The following CCSER1 variants were observed in gnomAD, a reference collection of about 807,000 sequenced individuals.
CCSER1 encodes the protein serine-rich coiled-coil domain-containing protein 1.
A neutral mutation model predicts 82.0 loss-of-function variants in CCSER1; 41 were observed. The observed-to-expected ratio is 0.50, with a 90% CI of 0.39 to 0.65. The LOEUF (loss-of-function observed/expected upper bound fraction) is 0.65, where lower values mean the gene tolerates loss of function less well. Ranked by LOEUF, CCSER1 falls within the 30% of genes least tolerant of loss-of-function variation. The probability of loss-of-function intolerance (pLI) is 0.00; values close to 1 mark genes in which losing one functional copy is unlikely to be tolerated. For synonymous variants in CCSER1, 414 were observed against 383.9 expected (o/e 1.08, Z -0.92); for missense variants, 1,119 against 1,064.2 (o/e 1.05, Z -0.72).
chr4:90,376,059 T>A (rs1748254442), intron 3 of CCSER1, among the ~76,000 whole-genome samples: 1 of 152,132 alleles, frequency 6.6e-6, no homozygotes, highest in Admixed American at 6.6e-5. Context: ...GGAATTAACT[T>A]GCCTCTCTTC....
intron 1 of CCSER1, among the ~76,000 whole-genome samples, chr4:90,140,402 T>C (rs1042821176): frequency 9.2e-5 from 14 of 152,324 alleles, no homozygotes; most frequent in African/African-American, 3.4e-4. Context: ...TTTTAGAGTG[T>C]GTTTATAGAA....
chr4:91,580,666 C>G lies in CCSER1; in HGVS notation c.2218-17906C>G, dbSNP rs371826516. Among the ~76,000 whole-genome samples, 19 of 151,788 alleles carry G rather than the reference C, an allele frequency of 1.3e-4. No homozygotes were observed. In the South Asian group the frequency reaches 2.5e-3, roughly 20 times the overall value. ...TAAAACCCCTGTGATGATGGCAAAG[C>G]TGAGATTCTAATGAAGCTGATATTC... On this transcript the variant is annotated intron_variant, in intron 10 of 10. Transcript: ENST00000509176.
At chr4:91,577,839 A>G (rs1176456714) in intron 10 of CCSER1, among the ~76,000 whole-genome samples, 1 of 152,056 alleles carries the variant, frequency 6.6e-6, no homozygotes, top group East Asian at 1.9e-4. Context: ...TATTATGTGC[A>G]TACATTTTTG....
intron 9 of CCSER1, among the ~76,000 whole-genome samples, chr4:90,935,058 T>C (rs1173051168): frequency 6.6e-6 from 1 of 151,806 alleles, no homozygotes; most frequent in South Asian, 2.1e-4. Flanking sequence ...ATATATATTA[T>C]ATATATATGA....
intron 10 of CCSER1, among the ~76,000 whole-genome samples, chr4:91,201,742 G>A (rs1017386425): frequency 2.0e-5 from 3 of 151,910 alleles, no homozygotes; most frequent in Non-Finnish European, 1.5e-5. Flanking sequence ...TAAGGGGAAT[G>A]GTATTGTTGA....
At chr4:91,274,230 T>C (rs1178883744) in intron 10 of CCSER1, among the ~76,000 whole-genome samples, 1 of 152,204 alleles carries the variant, frequency 6.6e-6, no homozygotes, top group Non-Finnish European at 1.5e-5. Context: ...ATGTATGGGG[T>C]ACATGTGATA....
At chr4:91,072,823 A>C (rs963010985) in intron 9 of CCSER1, among the ~76,000 whole-genome samples, 1 of 152,108 alleles carries the variant, frequency 6.6e-6, no homozygotes, top group East Asian at 1.9e-4. Flanking sequence ...TAAAAAAAGT[A>C]TATAAAATGA....
intron 9 of CCSER1, among the ~76,000 whole-genome samples, chr4:90,961,054 G>A (rs115583200): frequency 2.0e-3 from 303 of 152,206 alleles, no homozygotes; most frequent in Middle Eastern, 6.8e-3. Context: ...AGCCACTAGA[G>A]CACCAGAATT....
chr4:90,919,505 C>A (rs17197182), intron 8 of CCSER1, among the ~76,000 whole-genome samples: 35,184 of 151,570 alleles, frequency 0.23, 4,798 homozygotes, highest in Non-Finnish European at 0.31. Context: ...TGGCATATAA[C>A]CTACATTCTA....
intron 5 of CCSER1, among the ~76,000 whole-genome samples, chr4:90,474,628 A>G (rs1042583188): frequency 2.6e-5 from 4 of 152,164 alleles, no homozygotes; most frequent in African/African-American, 9.7e-5. Context: ...AATTCTATAA[A>G]TGAGGACTTT....
In CCSER1 at chr4:91,598,882, T is replaced by TA; in HGVS notation, c.2529dup (p.Glu844ArgfsTer48). On this transcript the variant is annotated frameshift_variant, in exon 11 of 11. Transcript: ENST00000509176. LOFTEE classifies it high-confidence loss of function. ...AAGACAGAAGGGCTCTCCACGTTCT[T>TA]AGAGAAACCAAAGGACCAAGTTGCT... 10 of 1,551,586 alleles carry TA rather than the reference T, an allele frequency of 6.4e-6. No individual in the cohort carries two copies. The highest frequency in any genetic ancestry group is 7.8e-6 in the Non-Finnish European group (9 of 1,146,928).
chr4:91,483,980 C>G (rs1157309584), intron 10 of CCSER1, among the ~76,000 whole-genome samples: 1 of 150,216 alleles, frequency 6.7e-6, no homozygotes, highest in Non-Finnish European at 1.5e-5. Context: ...TTGGAATGTT[C>G]CTTATAGTGC....
chr4:90,541,599 C>T (rs970961186), intron 5 of CCSER1, among the ~76,000 whole-genome samples: 1 of 152,046 alleles, frequency 6.6e-6, no homozygotes, highest in African/African-American at 2.4e-5. Flanking sequence ...CACAGGAAGT[C>T]TTCTTTATAT....
chr4:90,833,675 TTAG>T (rs952156595), intron 8 of CCSER1, among the ~76,000 whole-genome samples: 12 of 152,204 alleles, frequency 7.9e-5, no homozygotes, highest in African/African-American at 2.9e-4. Context: ...TGCATTATTC[TTAG>T]TAGACAAAAT....
chr4:90,932,644 A>G (rs1308810196), intron 9 of CCSER1, among the ~76,000 whole-genome samples: 1 of 151,658 alleles, frequency 6.6e-6, no homozygotes, highest in Non-Finnish European at 1.5e-5. Context: ...CCTGGCTAAC[A>G]TGGTGAAATC....
In CCSER1 at chr4:90,308,322, C is replaced by G; in HGVS notation, c.38C>G (p.Ser13Cys). 1 of 1,601,856 alleles carries G rather than the reference C, an allele frequency of 6.2e-7. No homozygotes were observed. The highest frequency in any genetic ancestry group is 8.5e-7 in the Non-Finnish European group (1 of 1,173,850). ...DSGSRRSTLV[S>C]RLPIFRRSIN... ...GGATCAAGACGATCTACCCTGGTCT[C>G]CCGGTTGCCAATATTCAGAAGAAGT... Residue 13 changes from serine (S) to cysteine (C), a missense_variant, in exon 2 of 11, where the codon TCC becomes TGC. Physicochemically the swap from Ser to Cys is moderately radical, Grantham distance 112. Transcript: ENST00000509176.
chr4:90,444,748 G>A (rs1009293685), intron 4 of CCSER1, among the ~76,000 whole-genome samples: 6 of 151,830 alleles, frequency 4.0e-5, no homozygotes, highest in African/African-American at 9.7e-5. Context: ...TTGAATATTA[G>A]AAACTCATGT....
intron 7 of CCSER1, among the ~76,000 whole-genome samples, chr4:90,729,731 C>G (rs2149397340): frequency 6.6e-6 from 1 of 152,018 alleles, no homozygotes; most frequent in South Asian, 2.1e-4. Flanking sequence ...AAAAAATTAG[C>G]CTGGCGTGGT....
At chr4:90,777,601 A>C (rs1046204138) in intron 7 of CCSER1, among the ~76,000 whole-genome samples, 3 of 152,098 alleles carry the variant, frequency 2.0e-5, no homozygotes, top group Admixed American at 2.0e-4. Context: ...GACTTTGAAA[A>C]ATGTATTTAA....
Sources: gnomAD v4.1 joint callset for allele counts (sites outside exome capture counted in the v4.1 genomes callset) on GRCh38, gnomAD v4.1.1 for gene constraint, MANE v1.5 for transcripts, NCBI Gene and HGNC (gene_info 2026-07-23, HGNC 2026-07-21) for gene names.